KANSL3: variants seen among roughly 807,000 people sequenced by gnomAD.
The protein encoded by KANSL3 is KAT8 regulatory NSL complex subunit 3.
KANSL3 carries 16 observed loss-of-function variants against 89.2 expected under a neutral mutation model. The observed-to-expected ratio is 0.18, with a 90% CI of 0.12 to 0.27. KANSL3 has a LOEUF of 0.27. KANSL3 is among the 10% of genes least tolerant of loss of function. The probability of loss-of-function intolerance (pLI) is 1.00; values close to 1 mark genes in which losing one functional copy is unlikely to be tolerated. For synonymous variants in KANSL3, 385 were observed against 419.7 expected (o/e 0.92, Z 1.01); for missense variants, 879 against 1,110.6 (o/e 0.79, Z 2.96).
At chr2:96,597,257 CA>C (rs548060863) in intron 20 of KANSL3, among the ~76,000 whole-genome samples, 2 of 152,062 alleles carry the variant, frequency 1.3e-5, no homozygotes, top group African/African-American at 4.8e-5. Flanking sequence ...TCATAAATGT[CA>C]AAAAAATGGG....
downstream of KANSL3, chr2:96,593,029 C>A (rs1391549130): frequency 8.0e-6 from 2 of 251,282 alleles, no homozygotes; most frequent in Non-Finnish European, 1.6e-5. Flanking sequence ...AATTACAGTA[C>A]CCCCTCATAC....
intron 20 of KANSL3, among the ~76,000 whole-genome samples, chr2:96,596,059 A>G (rs1249919997): frequency 6.6e-6 from 1 of 152,256 alleles, no homozygotes; most frequent in Non-Finnish European, 1.5e-5. Context: ...TGAGTTTTTA[A>G]GGGCAACAGA....
chr2:96,611,149 C>G lies in KANSL3; in HGVS notation c.1087-11G>C. 1.2e-6 allele frequency: 2 copies of G among 1,612,910 alleles called. No homozygotes were observed. Among genetic ancestry groups the G allele is most frequent in the Non-Finnish European group, 1.7e-6 (2 of 1,178,888 alleles). On this transcript the variant is annotated splice_polypyrimidine_tract_variant and intron_variant, in intron 9 of 20. Coordinates refer to ENST00000431828, the MANE Select transcript of KANSL3 (RefSeq NM_001115016.3). ...CTCCATTACTGACACCTGTAAATAA[C>G]AGAACAGTTTGTCTAAACGTCAACT...
At chr2:96,614,860 A>G (rs2069687890) in intron 5 of KANSL3, among the ~76,000 whole-genome samples, 1 of 151,786 alleles carries the variant, frequency 6.6e-6, no homozygotes, top group South Asian at 2.1e-4. Context: ...TAATGGGTGC[A>G]GCACACCAAC....
chr2:96,586,697 G>A, the KANSL3 span, among the ~76,000 whole-genome samples: 57 of 152,230 alleles, frequency 3.7e-4, no homozygotes, highest in Non-Finnish European at 7.1e-4. Context: ...CCTGATCATC[G>A]CACACTACAG....
At position 96,610,828 on chromosome 2, in the gene KANSL3, T is replaced by C; in HGVS notation, c.1217A>G (p.Gln406Arg). The change falls in exon 11 of 21, where the codon CAG (glutamine) becomes CGG (arginine). Residue 406 changes from glutamine to arginine, a missense_variant. This residue lies in a region of KANSL3 where 198 missense variants were observed against 260.3 expected (regional missense o/e 0.76). Coordinates refer to ENST00000431828, the MANE Select transcript of KANSL3 (RefSeq NM_001115016.3). Reference protein sequence around the residue: ...MKTPVLFVIGQNSLQCHPEAM... With the variant: ...MKTPVLFVIGRNSLQCHPEAM... ...TTCAGGGTGACATTGAAGGGAATTC[T>C]GACCAATGACAAAGAGGACTGGAGT... 1 of 1,613,996 alleles carries C rather than the reference T, an allele frequency of 6.2e-7. No homozygotes were observed. The highest frequency in any genetic ancestry group is 1.6e-4 in the Middle Eastern group (1 of 6,062).
At chr2:96,627,920 A>G (rs1473934927) in intron 3 of KANSL3, 13 of 1,289,714 alleles carry the variant, frequency 1.0e-5, no homozygotes, top group African/African-American at 3.0e-5. Flanking sequence ...AAAGTTACCT[A>G]CCAAAAGAGA....
chr2:96,608,224 G>A (rs1361695360), intron 14 of KANSL3, among the ~76,000 whole-genome samples: 1 of 152,134 alleles, frequency 6.6e-6, no homozygotes, highest in African/African-American at 2.4e-5. Flanking sequence ...AGGAGTGGCT[G>A]GCAAGGTAGA....
intron 5 of KANSL3, among the ~76,000 whole-genome samples, chr2:96,615,899 T>C (rs1343175006): frequency 6.6e-6 from 1 of 152,102 alleles, no homozygotes; most frequent in Non-Finnish European, 1.5e-5. Flanking sequence ...GACCGATAAC[T>C]GCCATGAAAG....
At chr2:96,628,047 G>A (rs2072714142) in intron 3 of KANSL3, 1 of 1,290,396 alleles carries the variant, frequency 7.7e-7, no homozygotes, top group African/African-American at 1.5e-5. Context: ...TGGCAATGTG[G>A]CAATGTCATA....
chr2:96,610,981 G>C, intron 10 of KANSL3, 83 bp downstream of exon 10: 1 of 1,574,686 alleles, frequency 6.4e-7, no homozygotes, highest in South Asian at 1.1e-5. Context: ...ACTGCAGTCA[G>C]CCTCAGCATC....
At chr2:96,600,404 TAAG>T in intron 20 of KANSL3, 23 of 946,172 alleles carry the variant, frequency 2.4e-5, no homozygotes, top group Non-Finnish European at 2.9e-5. Context: ...ATTGAAAAAA[TAAG>T]AAATAAGATA....
At chr2:96,612,661 T>A in intron 7 of KANSL3, 98 bp from the exon 8 acceptor site, 2 of 1,197,024 alleles carry the variant, frequency 1.7e-6, no homozygotes, top group Admixed American at 1.9e-5. Context: ...GAATTCCACA[T>A]GAAAGAAGGA....
chr2:96,601,327 C>G, intron 20 of KANSL3: 1 of 985,228 alleles, frequency 1.0e-6, no homozygotes, highest in Non-Finnish European at 1.2e-6. Context: ...CTCATAACCT[C>G]TGAAGGATGA....
intron 9 of KANSL3, among the ~76,000 whole-genome samples, chr2:96,611,517 TTC>T (rs1004994526): frequency 1.3e-5 from 2 of 151,968 alleles, no homozygotes; most frequent in African/African-American, 4.8e-5. Context: ...TGAAAAAAAA[TTC>T]TCTCTATTGA....
chr2:96,629,271 T>C (rs2072950563), intron 3 of KANSL3, among the ~76,000 whole-genome samples: 1 of 152,178 alleles, frequency 6.6e-6, no homozygotes, highest in South Asian at 2.1e-4. Context: ...AATATTCCAG[T>C]AGTTGATCTT....
At chr2:96,605,296 T>C (rs940444326) in intron 15 of KANSL3, 24 bp downstream of exon 15, 1 of 1,593,374 alleles carries the variant, frequency 6.3e-7, no homozygotes, top group Non-Finnish European at 8.6e-7. Context: ...TCAGTTCTCA[T>C]TTAACGTACC....
chr2:96,619,274 A>T, intron 5 of KANSL3, 85 bp downstream of exon 5: 1 of 1,310,906 alleles, frequency 7.6e-7, no homozygotes, highest in Non-Finnish European at 1.0e-6. Context: ...CCGACCAGAT[A>T]ATTACTTTGC....
rs1250047238 is a variant in KANSL3 at position 96,631,669 on chromosome 2, G to C, written c.216-187C>G. 6 of 708,268 alleles carry C rather than the reference G, an allele frequency of 8.5e-6. No individual in the cohort carries two copies. The African/African-American group carries it at 1.0e-4, about 12-fold the overall frequency. The allele number at this position is 708,268 out of a possible 1,614,324, so 43.9% of individuals were successfully genotyped here. ...ACTTGTCTAGATCTCTGCCCTCTCA[G>C]ACATGATGGTATGTACTGGAAGAAC... On this transcript the variant is annotated intron_variant, in intron 2 of 20. Coordinates refer to ENST00000431828, the MANE Select transcript of KANSL3 (RefSeq NM_001115016.3).
Sources: gnomAD v4.1 joint callset for allele counts (sites outside exome capture counted in the v4.1 genomes callset) on GRCh38, gnomAD v4.1.1 for gene constraint, gnomAD v4.1.1 regional missense constraint, MANE v1.5 for transcripts, NCBI Gene and HGNC (gene_info 2026-07-23, HGNC 2026-07-21) for gene names.